The following NPEPPS variants were observed in gnomAD, a reference collection of about 807,000 sequenced individuals.
NPEPPS encodes the protein aminopeptidase puromycin sensitive.
In NPEPPS, 14 loss-of-function variants were observed where a neutral mutation model predicts 115.5. That is an observed-to-expected ratio of 0.12 (90% confidence interval 0.08 to 0.19). The LOEUF (loss-of-function observed/expected upper bound fraction) is 0.19. Among genes scored for constraint, NPEPPS ranks in the 10% least tolerant of loss-of-function variants. The pLI is 1.00. For missense variants in NPEPPS, 523 were observed against 1,110.8 expected, an observed-to-expected ratio of 0.47 and a Z score of 7.52; for synonymous variants, 285 against 390.6, an observed-to-expected ratio of 0.73 and a Z score of 3.19.
intron 2 of NPEPPS, among the ~76,000 whole-genome samples, chr17:47,563,134 C>T (rs1285057296): frequency 2.6e-5 from 4 of 151,664 alleles, no homozygotes; most frequent in South Asian, 4.2e-4. Context: ...CCGTTTCAAG[C>T]GATTCTCCTG....
At chr17:47,571,015 G>A (rs1911159472) in intron 3 of NPEPPS, among the ~76,000 whole-genome samples, 1 of 152,040 alleles carries the variant, frequency 6.6e-6, no homozygotes. Context: ...TATTACTTAT[G>A]GTAGTAAAAA....
At chr17:47,569,046 TCTTTAAC>T (rs1430133274) in intron 2 of NPEPPS, among the ~76,000 whole-genome samples, 3 of 152,220 alleles carry the variant, frequency 2.0e-5, no homozygotes, top group Non-Finnish European at 4.4e-5. Flanking sequence ...CCTTGATGTA[TCTTTAAC>T]ACTGAAATCT....
intron 1 of NPEPPS, among the ~76,000 whole-genome samples, chr17:47,544,014 C>A (rs1320966446): frequency 1.3e-5 from 2 of 152,164 alleles, no homozygotes; most frequent in Non-Finnish European, 2.9e-5. Flanking sequence ...CCTGCCTCAG[C>A]CTCCCGAGTA....
chr17:47,583,275 T>G (rs1911997125), intron 5 of NPEPPS, among the ~76,000 whole-genome samples: 1 of 152,132 alleles, frequency 6.6e-6, no homozygotes, highest in Admixed American at 6.5e-5. Flanking sequence ...TTTAATAGAT[T>G]TATAGTAACT....
intron 2 of NPEPPS, chr17:47,559,596 G>T (rs778209197): frequency 3.3e-5 from 15 of 454,218 alleles, no homozygotes; most frequent in South Asian, 2.0e-4. Context: ...AATACTTAAG[G>T]TTCATCTTTT....
At chr17:47,564,570 A>T in intron 2 of NPEPPS, among the ~76,000 whole-genome samples, 1 of 151,360 alleles carries the variant, frequency 6.6e-6, no homozygotes, top group Admixed American at 6.6e-5. Flanking sequence ...TTACATATAT[A>T]TACATTTCCA....
At chr17:47,538,008 TTCAGCC>T (rs1016939488) in intron 1 of NPEPPS, among the ~76,000 whole-genome samples, 1 of 149,534 alleles carries the variant, frequency 6.7e-6, no homozygotes, top group Non-Finnish European at 1.5e-5. Flanking sequence ...GTTCTCCTGC[TTCAGCC>T]TCCCTAGTAG....
chr17:47,558,950 C>G (rs1256323403), intron 2 of NPEPPS, among the ~76,000 whole-genome samples: 2 of 151,842 alleles, frequency 1.3e-5, no homozygotes, highest in Non-Finnish European at 2.9e-5. Flanking sequence ...AGGAGAATTG[C>G]TTGAACCCGG....
At chr17:47,579,627 T>G (rs1330140243) in intron 4 of NPEPPS, 116 bp downstream of exon 4, 1 of 877,540 alleles carries the variant, frequency 1.1e-6, no homozygotes, top group African/African-American at 1.7e-5. Flanking sequence ...CATGATTGTA[T>G]TCACAATTTT....
At position 47,605,489 on chromosome 17, in the gene NPEPPS, T is replaced by C; in HGVS notation, c.2032T>C (p.Phe678Leu). ...HTDFYEEIQE[F>L]VKDVFSPIGE... is the part of the protein sequence containing the mutation. ...AGACTTCTATGAGGAAATCCAGGAGTTTGTGAAAGATGTCTTTTCACCTAT... is the reference window on the plus strand; with the variant it reads ...AGACTTCTATGAGGAAATCCAGGAGCTTGTGAAAGATGTCTTTTCACCTAT... The change falls in exon 17 of 23, where the codon TTT (phenylalanine) becomes CTT (leucine). Residue 678 changes from phenylalanine (F) to leucine (L), a missense_variant. Coordinates refer to ENST00000322157, the MANE Select transcript of NPEPPS (RefSeq NM_006310.4). 1 of 1,605,286 alleles carries C rather than the reference T, an allele frequency of 6.2e-7. No homozygotes were observed. Among genetic ancestry groups the C allele is most frequent in the East Asian group, 2.2e-5 (1 of 44,782 alleles).
intron 1 of NPEPPS, among the ~76,000 whole-genome samples, chr17:47,539,971 A>G (rs1250743857): frequency 6.6e-6 from 1 of 152,196 alleles, no homozygotes; most frequent in Non-Finnish European, 1.5e-5. Context: ...CTGAAATCTC[A>G]GGACATTGAC....
At chr17:47,536,410 G>A (rs1391606288) in intron 1 of NPEPPS, among the ~76,000 whole-genome samples, 1 of 51,466 alleles carries the variant, frequency 1.9e-5, no homozygotes, top group African/African-American at 9.2e-5. Flanking sequence ...TTTTTTTTTT[G>A]AGATGGAGTT....
rs1209182656 is a variant in NPEPPS, at chr17:47,586,395, A to G, written c.977A>G (p.Tyr326Cys). Residue 326 changes from tyrosine to cysteine, a missense_variant, in exon 8 of 23, where the codon TAT (tyrosine) becomes TGT (cysteine). Physicochemically the swap from Tyr to Cys is radical, Grantham distance 194 (BLOSUM62 -2). This residue lies in a region of NPEPPS where 144 missense variants were observed against 512.4 expected (regional missense o/e 0.28). Coordinates refer to ENST00000322157, the MANE Select transcript of NPEPPS (RefSeq NM_006310.4). ...GAMENWGLVT[Y>C]RETALLIDPK... ...ATGGAGAACTGGGGCCTTGTTACTTATAGGTATGTTAATGATGTGTTACCC... is the reference window on the plus strand; with the variant it reads ...ATGGAGAACTGGGGCCTTGTTACTTGTAGGTATGTTAATGATGTGTTACCC... 2 of 1,544,408 alleles carry G rather than the reference A, an allele frequency of 1.3e-6. No homozygotes were observed. Among genetic ancestry groups the G allele is most frequent in the Non-Finnish European group, 1.7e-6 (2 of 1,143,770 alleles).
chr17:47,603,298 G>A (rs980591368), intron 15 of NPEPPS, among the ~76,000 whole-genome samples: 1 of 152,114 alleles, frequency 6.6e-6, no homozygotes, highest in African/African-American at 2.4e-5. Flanking sequence ...TGTAATCCCA[G>A]CTGCTTGGGA....
intron 17 of NPEPPS, among the ~76,000 whole-genome samples, chr17:47,610,337 T>A (rs2143948882): frequency 6.6e-6 from 1 of 152,240 alleles, no homozygotes; most frequent in South Asian, 2.1e-4. Context: ...CTTAGCATAG[T>A]ATTTTCAAGA....
rs540050433 is a variant in NPEPPS, at chr17:47,602,005, A to G, written c.1740+258A>G. The G allele has an allele frequency of 1.1e-5, 4 of 377,712 alleles. No individual in the cohort carries two copies. In the South Asian group the frequency reaches 1.1e-4, roughly 10 times the overall value. 23.4% of individuals were successfully genotyped at this position (377,712 alleles called of 1,614,324 possible). A position where few individuals can be genotyped will look rare whatever the true frequency, so the allele number is the denominator to read the frequency against. On this transcript the variant is annotated intron_variant, in intron 15 of 22. Coordinates refer to ENST00000322157, the MANE Select transcript of NPEPPS (RefSeq NM_006310.4). ...AAAAAAGTAGACTGAGTGTAAGCAT[A>G]TATGAACCAAAATATGTGTAGTCTC... is the stretch of plus-strand genomic sequence containing the variant.
intron 16 of NPEPPS, among the ~76,000 whole-genome samples, chr17:47,604,664 A>T (rs1267146764): frequency 1.3e-5 from 2 of 152,170 alleles, no homozygotes; most frequent in African/African-American, 2.4e-5. Flanking sequence ...TTGGTTTTGG[A>T]TTCTGCCTTT....
At chr17:47,544,456 A>G (rs1038446062) in intron 1 of NPEPPS, among the ~76,000 whole-genome samples, 7 of 152,028 alleles carry the variant, frequency 4.6e-5, no homozygotes, top group Non-Finnish European at 8.8e-5. Context: ...TTATTGCAAT[A>G]TGTTGTAAGA....
chr17:47,544,737 G>A (rs537160371), intron 1 of NPEPPS, among the ~76,000 whole-genome samples: 14 of 118,956 alleles, frequency 1.2e-4, no homozygotes, highest in Admixed American at 6.2e-4. Flanking sequence ...TTTTTGAGAC[G>A]TAGGCTCACT....
Sources: gnomAD v4.1 joint callset for allele counts (sites outside exome capture counted in the v4.1 genomes callset) on GRCh38, gnomAD v4.1.1 for gene constraint, gnomAD v4.1.1 regional missense constraint, MANE v1.5 for transcripts, NCBI Gene and HGNC (gene_info 2026-07-23, HGNC 2026-07-21) for gene names.